PCDH15: variants seen among roughly 807,000 people sequenced by gnomAD.
PCDH15 encodes the protein protocadherin related 15, also known as protocadherin-15.
In PCDH15, 129 loss-of-function variants were observed where a neutral mutation model predicts 178.5. The observed-to-expected ratio is 0.72, with a 90% confidence interval of 0.63 to 0.84. The LOEUF is 0.84. Among genes scored for constraint, PCDH15 ranks in the 40% least tolerant of loss-of-function variants. The pLI, the probability that PCDH15 is intolerant of heterozygous loss-of-function variation, is 0.00. For missense variants in PCDH15, 2,230 were observed against 2,099.9 expected, an observed-to-expected ratio of 1.06 and a Z score of -1.21; for synonymous variants, 800 against 732.0, an observed-to-expected ratio of 1.09 and a Z score of -1.50.
At chr10:54,305,823 T>C (rs2060433219) in intron 8 of PCDH15, among the ~76,000 whole-genome samples, 1 of 150,546 alleles carries the variant, frequency 6.6e-6, no homozygotes, top group South Asian at 2.1e-4. Flanking sequence ...CAGAAGAGAA[T>C]ATTCTGGAAA....
chr10:53,825,763 G>A (rs192970665), intron 32 of PCDH15, among the ~76,000 whole-genome samples: 358 of 150,482 alleles, frequency 2.4e-3, no homozygotes, highest in African/African-American at 8.6e-3. Context: ...AAAAGTTCTT[G>A]AATAGATAGA....
intron 2 of PCDH15, among the ~76,000 whole-genome samples, chr10:54,933,456 A>C (rs1423494931): frequency 6.6e-6 from 1 of 152,210 alleles, no homozygotes; most frequent in Non-Finnish European, 1.5e-5. Flanking sequence ...CTTGAAGTGT[A>C]GATTAGAAAG....
At chr10:53,807,156 A>C (rs1841232782) in intron 37 of PCDH15, 26 bp from the exon 38 acceptor site, 1 of 1,525,042 alleles carries the variant, frequency 6.6e-7, no homozygotes, top group Non-Finnish European at 8.8e-7. Flanking sequence ...AAAATATGTG[A>C]GTCACTATCA....
chr10:54,656,314 C>T (rs1380839447), intron 2 of PCDH15, among the ~76,000 whole-genome samples: 2 of 150,582 alleles, frequency 1.3e-5, no homozygotes, highest in African/African-American at 2.4e-5. Context: ...GATTGACCCC[C>T]AAGGAACTTA....
At chr10:54,576,916 G>A (rs1303820253) in intron 2 of PCDH15, among the ~76,000 whole-genome samples, 2 of 149,218 alleles carry the variant, frequency 1.3e-5, no homozygotes, top group East Asian at 4.0e-4. Context: ...CCGCTCTTGA[G>A]GAGTACGCAA....
chr10:55,531,447 C>A (rs935383693), intron 2 of PCDH15, among the ~76,000 whole-genome samples: 1 of 151,924 alleles, frequency 6.6e-6, no homozygotes, highest in African/African-American at 2.4e-5. Flanking sequence ...GAGCTATTTA[C>A]CAATGTGTGA....
chr10:55,067,028 T>C (rs1362676933), intron 2 of PCDH15, among the ~76,000 whole-genome samples: 1 of 151,974 alleles, frequency 6.6e-6, no homozygotes, highest in Non-Finnish European at 1.5e-5. Context: ...TCCATAAATA[T>C]GTAAACTATT....
chr10:54,947,646 G>T (rs1196982886), intron 2 of PCDH15, among the ~76,000 whole-genome samples: 1 of 151,700 alleles, frequency 6.6e-6, no homozygotes, highest in African/African-American at 2.4e-5. Flanking sequence ...TATTTTAATG[G>T]AACATCTTTC....
intron 11 of PCDH15, among the ~76,000 whole-genome samples, chr10:54,186,486 T>C (rs2048482369): frequency 6.6e-6 from 1 of 152,034 alleles, no homozygotes; most frequent in Non-Finnish European, 1.5e-5. Flanking sequence ...CATTGTGATA[T>C]GTGTAGATTT....
intron 2 of PCDH15, among the ~76,000 whole-genome samples, chr10:55,123,916 G>T (rs1200519278): frequency 6.6e-6 from 1 of 152,118 alleles, no homozygotes; most frequent in Non-Finnish European, 1.5e-5. Flanking sequence ...CAACAGAGAA[G>T]CCCTGAGGCA....
At chr10:54,967,177 G>A (rs1330557792) in intron 2 of PCDH15, among the ~76,000 whole-genome samples, 1 of 151,702 alleles carries the variant, frequency 6.6e-6, no homozygotes, top group Non-Finnish European at 1.5e-5. Flanking sequence ...TGGCTACAAA[G>A]TCACTAGGCT....
intron 2 of PCDH15, among the ~76,000 whole-genome samples, chr10:55,139,753 G>T (rs910494784): frequency 5.3e-5 from 8 of 151,604 alleles, no homozygotes; most frequent in Admixed American, 5.3e-4. Context: ...ATATTATTTT[G>T]TAACTATTAT....
chr10:55,130,347 C>T (rs907966307), intron 2 of PCDH15, among the ~76,000 whole-genome samples: 5 of 152,064 alleles, frequency 3.3e-5, no homozygotes, highest in Non-Finnish European at 7.4e-5. Context: ...AATACAAAAG[C>T]TGCAACACAA....
chr10:54,045,874 A>T (rs1248991265), intron 18 of PCDH15, among the ~76,000 whole-genome samples: 1 of 152,134 alleles, frequency 6.6e-6, no homozygotes, highest in Admixed American at 6.6e-5. Context: ...GTGTCAAAAG[A>T]TATCTTGCAG....
intron 2 of PCDH15, among the ~76,000 whole-genome samples, chr10:54,590,228 C>T (rs1441941320): frequency 3.9e-5 from 6 of 152,098 alleles, no homozygotes; most frequent in East Asian, 1.9e-4. Flanking sequence ...CATGCCCATA[C>T]TATAAGTAGA....
chr10:54,796,310 CTATCTATCT>C (rs1353238092), intron 1 of PCDH15, among the ~76,000 whole-genome samples: 22 of 150,228 alleles, frequency 1.5e-4, no homozygotes, highest in African/African-American at 5.2e-4. Context: ...ATCTATCTAT[CTATCTATCT>C]ATCATCATCA....
chr10:54,910,591 C>A (rs1009019583), intron 2 of PCDH15, among the ~76,000 whole-genome samples: 1 of 152,090 alleles, frequency 6.6e-6, no homozygotes, highest in African/African-American at 2.4e-5. Context: ...ATATATTAAT[C>A]CCCATCAGAT....
chr10:54,401,603 T>C (rs1188940980), intron 3 of PCDH15, among the ~76,000 whole-genome samples: 1 of 151,644 alleles, frequency 6.6e-6, no homozygotes, highest in East Asian at 1.9e-4. Context: ...AAAAATTAAG[T>C]GAAACATGAA....
At chr10:54,841,666 G>A (rs777094946) in intron 3 of PCDH15, among the ~76,000 whole-genome samples, 65 of 151,600 alleles carry the variant, frequency 4.3e-4, no homozygotes, top group Admixed American at 6.6e-4. Flanking sequence ...ATGGCTTTAA[G>A]CTAATATTTT....
Sources: allele counts gnomAD v4.1 joint callset (sites outside exome capture counted in the v4.1 genomes callset), GRCh38; gene constraint gnomAD v4.1.1; transcripts MANE v1.5; gene names NCBI Gene and HGNC (gene_info 2026-07-23, HGNC 2026-07-21).